The following COL5A1 variants were observed in gnomAD, a reference collection of about 807,000 sequenced individuals.
COL5A1 encodes collagen type V alpha 1 chain, also known as collagen alpha-1(V) chain.
Under a neutral mutation model 263.7 loss-of-function variants are expected in COL5A1, and 16 were observed. The observed-to-expected ratio is 0.06, with a 90% confidence interval of 0.04 to 0.09. The LOEUF (loss-of-function observed/expected upper bound fraction) is 0.09. COL5A1 is among the 10% of genes least tolerant of loss of function. The pLI is 1.00. For synonymous variants in COL5A1, 1,012 were observed against 1,004.5 expected, an observed-to-expected ratio of 1.01 and a Z score of -0.14; for missense variants, 2,036 against 2,540.5, an observed-to-expected ratio of 0.80 and a Z score of 4.27.
chr9:134,646,042 A>C (rs1381108781), intron 1 of COL5A1, among the ~76,000 whole-genome samples: 7 of 140,178 alleles, frequency 5.0e-5, no homozygotes, highest in East Asian at 2.1e-4. Context: ...TTCTCTTTTT[A>C]CTCCAGTGCC....
In COL5A1 at chr9:134,794,892, C is replaced by T. The variant is rs1002265278; in HGVS notation, c.2701-190C>T. Among the ~76,000 whole-genome samples, 8 of 152,168 alleles carry T rather than the reference C, an allele frequency of 5.3e-5. No homozygotes were observed. Among genetic ancestry groups the T allele is most frequent in the East Asian group, 3.9e-4 (2 of 5,178 alleles). ...TGCAGGAGTGCAAAGCTGTGTGTGT[C>T]GGGTGTGCGGTGAGCTTCTCGCCCT... On this transcript the variant is annotated intron_variant, in intron 32 of 65. Transcript: ENST00000371817. This position sits in a 1 kb window ranked among gnomAD's most constrained non-coding sequence, Gnocchi z 4.3.
intron 65 of COL5A1, among the ~76,000 whole-genome samples, chr9:134,835,516 G>A (rs566941627): frequency 4.6e-5 from 7 of 152,334 alleles, no homozygotes; most frequent in South Asian, 2.1e-4. Context: ...TGGAGGACCC[G>A]TTGTGGTTCC....
chr9:134,762,122 C>G, intron 19 of COL5A1, 144 bp downstream of exon 19: 1 of 819,314 alleles, frequency 1.2e-6, no homozygotes, highest in Non-Finnish European at 2.1e-6. Flanking sequence ...GATGGGGATT[C>G]CAGTGGGCAA....
intron 64 of COL5A1, 46 bp from the exon 65 acceptor site, chr9:134,834,925 G>C (rs756880939): frequency 5.1e-6 from 7 of 1,373,074 alleles, no homozygotes; most frequent in Non-Finnish European, 3.1e-6. Context: ...CTTTGTTGCT[G>C]TGTGTGTCCC....
At chr9:134,819,785 G>A (rs1464768397) in intron 57 of COL5A1, among the ~76,000 whole-genome samples, 2 of 152,172 alleles carry the variant, frequency 1.3e-5, no homozygotes, top group Non-Finnish European at 2.9e-5. Flanking sequence ...GCAGGCGTTC[G>A]GATTTGCCAT....
At position 134,681,852 on chromosome 9, in the gene COL5A1, A is replaced by T. The variant is rs2132532076; in HGVS notation, c.110-9060A>T. Among the ~76,000 whole-genome samples, 1 of 150,036 alleles carries T rather than the reference A, an allele frequency of 6.7e-6. No individual in the cohort carries two copies. The highest frequency in any genetic ancestry group is 2.1e-4 in the South Asian group (1 of 4,682). ...GATATTGACTTTGGGGCCTGCAGAA[A>T]CCTCCCCTCTCTTCCTCGCTCTTCC... On this transcript the variant is annotated intron_variant, in intron 1 of 65. Coordinates refer to ENST00000371817, the MANE Select transcript of COL5A1 (RefSeq NM_000093.5). The surrounding 1 kb of genome is among the most constrained non-coding windows in gnomAD (Gnocchi z 4.3).
intron 28 of COL5A1, among the ~76,000 whole-genome samples, chr9:134,780,383 G>A (rs1317490854): frequency 6.6e-6 from 1 of 152,182 alleles, no homozygotes; most frequent in East Asian, 1.9e-4. Flanking sequence ...GAGCTGAGTG[G>A]GTCCAGGGTT....
intron 4 of COL5A1, among the ~76,000 whole-genome samples, chr9:134,710,726 T>C (rs1369271955): frequency 2.9e-5 from 2 of 69,468 alleles, no homozygotes; most frequent in Admixed American, 1.8e-4. Context: ...GGAGGAGCCC[T>C]ATTTGTTGGG....
intron 63 of COL5A1, among the ~76,000 whole-genome samples, chr9:134,826,563 G>T (rs950279748): frequency 9.8e-5 from 11 of 111,710 alleles, no homozygotes; most frequent in African/African-American, 4.0e-4. Context: ...TGGTGTGTGT[G>T]TGTGTGTAGA....
rs1359333240 is a variant in COL5A1, at chr9:134,681,391, G to A, written c.110-9521G>A. Among the ~76,000 whole-genome samples, 1 of 152,252 alleles carries A rather than the reference G, an allele frequency of 6.6e-6. No individual in the cohort carries two copies. The highest frequency in any genetic ancestry group is 1.5e-5 in the Non-Finnish European group (1 of 68,040). ...TGCGAGCATCTGCGGGTGCCGGGCT[G>A]TGCGGGGCCCCTGCCCTCCTGCAGT... On this transcript the variant is annotated intron_variant, in intron 1 of 65. Coordinates refer to ENST00000371817, the MANE Select transcript of COL5A1 (RefSeq NM_000093.5). The surrounding 1 kb of genome is among the most constrained non-coding windows in gnomAD (Gnocchi z 4.3).
intron 1 of COL5A1, among the ~76,000 whole-genome samples, chr9:134,675,724 G>T (rs1832667888): frequency 6.6e-6 from 1 of 152,234 alleles, no homozygotes; most frequent in Non-Finnish European, 1.5e-5. Context: ...TTCCACATGT[G>T]TGGTGTTGAT....
chr9:134,719,674 C>T (rs1038577180), intron 4 of COL5A1, among the ~76,000 whole-genome samples: 8 of 152,216 alleles, frequency 5.3e-5, no homozygotes, highest in Non-Finnish European at 4.4e-5. Flanking sequence ...ACATCATGCT[C>T]CATATCCTGG....
chr9:134,778,576 C>T (rs1382392466), intron 27 of COL5A1, among the ~76,000 whole-genome samples: 1 of 152,180 alleles, frequency 6.6e-6, no homozygotes, highest in Non-Finnish European at 1.5e-5. Context: ...GTGCCCTGTC[C>T]CCCCAAGGCG....
chr9:134,808,456 A>T (rs79635825), intron 42 of COL5A1, among the ~76,000 whole-genome samples: 7,291 of 152,254 alleles, frequency 0.048, 199 homozygotes, highest in South Asian at 0.094. Context: ...GTATGCCTGC[A>T]AGCATGTCCT....
At position 134,765,768 on chromosome 9, in the gene COL5A1, C is replaced by A. The variant is rs377360106; in HGVS notation, c.2088+34C>A. The A allele has an allele frequency of 1.9e-6, 3 of 1,593,088 alleles. No individual in the cohort carries two copies. The Admixed American group carries it at 5.1e-5, about 27-fold the overall frequency. On this transcript the variant is annotated intron_variant, in intron 21 of 65. Coordinates refer to ENST00000371817, the MANE Select transcript of COL5A1 (RefSeq NM_000093.5). The surrounding 1 kb of genome is among the most constrained non-coding windows in gnomAD (Gnocchi z 5.1). ...CATTACCGCCCTGCTTGTCTGCCCC[C>A]ATCTCGGCCTTTGAGACCCCGCCTC...
chr9:134,728,578 C>T (rs1272650214), intron 5 of COL5A1, 92 bp from the exon 6 acceptor site: 28 of 1,571,068 alleles, frequency 1.8e-5, no homozygotes, highest in East Asian at 6.7e-5. Flanking sequence ...GGCGTCGTGG[C>T]GTGCAGATCT....
Position 134,830,166 on chromosome 9 carries a change from G to A in COL5A1, c.5136+122G>A, listed in dbSNP as rs745430614. 4 of 1,610,166 alleles carry A rather than the reference G, an allele frequency of 2.5e-6. No homozygotes were observed. The highest frequency in any genetic ancestry group is 2.2e-5 in the East Asian group (1 of 44,694). On this transcript the variant is annotated intron_variant, in intron 64 of 65. Coordinates refer to ENST00000371817, the MANE Select transcript of COL5A1 (RefSeq NM_000093.5). ...TCCACCTGGTATAGTCAGTACAAGC[G>A]GGGGTCCCTGGTAAGTGGCCACCTC... is the stretch of plus-strand genomic sequence containing the variant.
chr9:134,819,017 C>T lies in COL5A1; in HGVS notation c.4410C>T (p.Pro1470=), dbSNP rs41310953. 4,453 of 1,613,400 alleles carry T rather than the reference C, an allele frequency of 2.8e-3. 9 individuals carry two copies. The highest frequency in any genetic ancestry group is 3.2e-3 in the Non-Finnish European group (3,772 of 1,179,990). ...PPGPMGPPGL[P]GLKGDSGPKG... ...TCCCACAGGGTCCCCCAGGACTTCC[C>T]GGCCTCAAAGGAGATTCTGGTCCCA... The change falls in exon 57 of 66, where the codon CCC becomes CCT. Residue 1470 remains proline (P), a synonymous_variant. Coordinates refer to ENST00000371817, the MANE Select transcript of COL5A1 (RefSeq NM_000093.5).
Position 134,742,220 on chromosome 9 carries a change from T to C in COL5A1, c.1494+3412T>C, listed in dbSNP as rs1413095562. Among the ~76,000 whole-genome samples the C allele has an allele frequency of 1.3e-5, 2 of 152,134 alleles. No homozygotes were observed. Among genetic ancestry groups the C allele is most frequent in the Non-Finnish European group, 2.9e-5 (2 of 68,024 alleles). ...CTGCCTTCTAGCACCTCAAATCCTT[T>C]CTTGCTCTTGTGCCCACGGCTGCCC... On this transcript the variant is annotated intron_variant, in intron 11 of 65. Coordinates refer to ENST00000371817, the MANE Select transcript of COL5A1 (RefSeq NM_000093.5). This position sits in a 1 kb window ranked among gnomAD's most constrained non-coding sequence, Gnocchi z 4.6.
Sources: allele counts gnomAD v4.1 joint callset (sites outside exome capture counted in the v4.1 genomes callset), GRCh38; gene constraint gnomAD v4.1.1; non-coding constraint Gnocchi (gnomAD v3.1); transcripts MANE v1.5; gene names NCBI Gene and HGNC (gene_info 2026-07-23, HGNC 2026-07-21).